MARCHF1: variants seen among roughly 807,000 people sequenced by gnomAD.
MARCHF1 encodes membrane associated ring-CH-type finger 1.
In MARCHF1, 40 loss-of-function variants were observed where a neutral mutation model predicts 54.2. The ratio of observed to expected loss-of-function variants is 0.74; its 90% CI spans 0.57 to 0.96. The LOEUF is 0.96. Among genes scored for constraint, MARCHF1 ranks in the 40% least tolerant of loss-of-function variants. The pLI is 0.00. For missense variants in MARCHF1, 586 were observed against 656.5 expected (o/e 0.89, Z 1.17); for synonymous variants, 236 against 236.3 (o/e 1.00, Z 0.01).
intron 1 of MARCHF1, among the ~76,000 whole-genome samples, chr4:164,183,489 G>T (rs1730887030): frequency 6.6e-6 from 1 of 152,106 alleles, no homozygotes; most frequent in Non-Finnish European, 1.5e-5. Flanking sequence ...TAATTTTTAT[G>T]TGGTCAAAAG....
intron 1 of MARCHF1, among the ~76,000 whole-genome samples, chr4:164,263,389 T>G (rs1205299215): frequency 3.3e-5 from 5 of 152,154 alleles, no homozygotes; most frequent in African/African-American, 4.8e-5. Context: ...TTACATTTTC[T>G]CTTTTTTTAG....
At chr4:164,319,499 C>T (rs1171671336) in intron 1 of MARCHF1, among the ~76,000 whole-genome samples, 2 of 151,872 alleles carry the variant, frequency 1.3e-5, no homozygotes, top group African/African-American at 2.4e-5. Context: ...AATATTTCTT[C>T]GATGAAGAAG....
chr4:163,963,839 A>G (rs1318009313), intron 3 of MARCHF1, among the ~76,000 whole-genome samples: 2 of 151,926 alleles, frequency 1.3e-5, no homozygotes, highest in African/African-American at 4.8e-5. Flanking sequence ...CACAGAAAGA[A>G]AGTGAGTGAA....
chr4:164,028,341 AC>A (rs1403698459), intron 2 of MARCHF1, among the ~76,000 whole-genome samples: 1 of 152,212 alleles, frequency 6.6e-6, no homozygotes, highest in African/African-American at 2.4e-5. Context: ...TCAGTGGTGG[AC>A]TGGATAAAGA....
chr4:164,236,241 T>C (rs1420173552), intron 1 of MARCHF1, among the ~76,000 whole-genome samples: 1 of 152,074 alleles, frequency 6.6e-6, no homozygotes, highest in Non-Finnish European at 1.5e-5. Flanking sequence ...CTGGGTTAGG[T>C]TTCCACAGCA....
At chr4:164,070,168 T>A (rs1405037341) in intron 2 of MARCHF1, among the ~76,000 whole-genome samples, 1 of 152,210 alleles carries the variant, frequency 6.6e-6, no homozygotes, top group Non-Finnish European at 1.5e-5. Flanking sequence ...TCAGGTACTA[T>A]ACTCCCTATC....
chr4:163,953,714 A>C (rs770439722), intron 3 of MARCHF1, among the ~76,000 whole-genome samples: 8 of 152,170 alleles, frequency 5.3e-5, no homozygotes, highest in Admixed American at 4.6e-4. Flanking sequence ...CCTATGAGTT[A>C]AGAATGGTTT....
At chr4:164,244,989 C>G (rs1035253819) in intron 1 of MARCHF1, among the ~76,000 whole-genome samples, 2 of 152,102 alleles carry the variant, frequency 1.3e-5, no homozygotes, top group African/African-American at 4.8e-5. Context: ...CAAAAAGAGT[C>G]CAGGACCAGA....
intron 3 of MARCHF1, among the ~76,000 whole-genome samples, chr4:163,887,209 A>G (rs1193856310): frequency 6.6e-6 from 1 of 152,106 alleles, no homozygotes; most frequent in Non-Finnish European, 1.5e-5. Context: ...GGTAGATATG[A>G]TTGAAAGTAA....
chr4:164,062,637 G>A (rs1754643583), intron 2 of MARCHF1, among the ~76,000 whole-genome samples: 1 of 152,008 alleles, frequency 6.6e-6, no homozygotes, highest in Non-Finnish European at 1.5e-5. Context: ...CTATTCTCCT[G>A]CCTCAGCCTC....
chr4:163,965,638 T>C (rs1752428345), intron 3 of MARCHF1, among the ~76,000 whole-genome samples: 1 of 152,070 alleles, frequency 6.6e-6, no homozygotes, highest in Admixed American at 6.6e-5. Context: ...TTAATCAAAA[T>C]AGTTTATATG....
chr4:163,663,687 C>G (rs1438758785), intron 5 of MARCHF1, among the ~76,000 whole-genome samples: 1 of 152,052 alleles, frequency 6.6e-6, no homozygotes, highest in Non-Finnish European at 1.5e-5. Flanking sequence ...GCGCGGTGCT[C>G]TCTCCAACAT....
At chr4:164,184,945 T>C (rs970647654) in intron 1 of MARCHF1, among the ~76,000 whole-genome samples, 1 of 152,262 alleles carries the variant, frequency 6.6e-6, no homozygotes, top group African/African-American at 2.4e-5. Flanking sequence ...ATGTACTTAA[T>C]GTCACTGAAC....
intron 4 of MARCHF1, among the ~76,000 whole-genome samples, chr4:163,834,878 A>G (rs1003494215): frequency 3.3e-5 from 5 of 151,538 alleles, no homozygotes; most frequent in African/African-American, 1.2e-4. Flanking sequence ...TATTTATTTA[A>G]TCTTCTTGTT....
At chr4:163,982,107 G>A (rs1303787099) in intron 3 of MARCHF1, among the ~76,000 whole-genome samples, 2 of 152,184 alleles carry the variant, frequency 1.3e-5, no homozygotes, top group African/African-American at 2.4e-5. Context: ...TTTCATTGCT[G>A]AAAGCAAATA....
chr4:163,756,930 A>G (rs1746692853), intron 4 of MARCHF1, among the ~76,000 whole-genome samples: 1 of 151,528 alleles, frequency 6.6e-6, no homozygotes. Context: ...TTTTTTCAAA[A>G]GGCTTTAAAT....
At chr4:163,864,545 G>A (rs1750010734) in intron 3 of MARCHF1, among the ~76,000 whole-genome samples, 1 of 151,804 alleles carries the variant, frequency 6.6e-6, no homozygotes, top group African/African-American at 2.4e-5. Context: ...TTTGCACTTT[G>A]GTTAATAATA....
At chr4:164,378,309 T>C (rs190096590) in intron 1 of MARCHF1, among the ~76,000 whole-genome samples, 127 of 152,298 alleles carry the variant, frequency 8.3e-4, no homozygotes, top group African/African-American at 2.5e-3. Flanking sequence ...GAGACAAAAT[T>C]AGCTATGAGG....
At chr4:163,803,686 T>C (rs2110982931) in intron 4 of MARCHF1, among the ~76,000 whole-genome samples, 1 of 152,338 alleles carries the variant, frequency 6.6e-6, no homozygotes, top group African/African-American at 2.4e-5. Flanking sequence ...AGTTATTTTT[T>C]TCTCTCACTG....
Sources: allele counts gnomAD v4.1 joint callset (sites outside exome capture counted in the v4.1 genomes callset), GRCh38; gene constraint gnomAD v4.1.1; transcripts MANE v1.5; gene names NCBI Gene and HGNC (gene_info 2026-07-23, HGNC 2026-07-21).